FAM13C: variants seen among roughly 807,000 people sequenced by gnomAD.
FAM13C encodes family with sequence similarity 13 member C, also known as protein FAM13C.
In FAM13C, 37 loss-of-function variants were observed where a neutral mutation model predicts 73.2. The ratio of observed to expected loss-of-function variants is 0.51; its 90% CI spans 0.39 to 0.67. The LOEUF (loss-of-function observed/expected upper bound fraction) is 0.67. FAM13C is among the 30% of genes least tolerant of loss of function. The pLI is 0.00. For missense variants in FAM13C, 589 were observed against 715.6 expected (o/e 0.82, Z 2.02); for synonymous variants, 246 against 260.9 (o/e 0.94, Z 0.55).
At chr10:59,335,321 G>A (rs2134133332) in intron 3 of FAM13C, among the ~76,000 whole-genome samples, 1 of 152,112 alleles carries the variant, frequency 6.6e-6, no homozygotes, top group East Asian at 1.9e-4. Flanking sequence ...TTTTTATGTG[G>A]ACTTGGGAAA....
intron 3 of FAM13C, among the ~76,000 whole-genome samples, chr10:59,344,621 G>A (rs146972726): frequency 9.2e-5 from 14 of 152,196 alleles, no homozygotes; most frequent in African/African-American, 2.9e-4. Context: ...GAATGTTTAC[G>A]TTTATATCAT....
At chr10:59,338,403 A>G (rs1463730244) in intron 3 of FAM13C, among the ~76,000 whole-genome samples, 3 of 152,186 alleles carry the variant, frequency 2.0e-5, no homozygotes. Flanking sequence ...GTCGGTTGTT[A>G]AAGGAATGAA....
intron 3 of FAM13C, among the ~76,000 whole-genome samples, chr10:59,339,312 A>G (rs1853182633): frequency 6.6e-6 from 1 of 152,202 alleles, no homozygotes; most frequent in Non-Finnish European, 1.5e-5. Flanking sequence ...TACTCAACCT[A>G]CTTCTCCCTT....
At chr10:59,323,926 A>T in intron 4 of FAM13C, 62 bp downstream of exon 4, 1 of 1,377,650 alleles carries the variant, frequency 7.3e-7, no homozygotes, top group Non-Finnish European at 1.0e-6. Context: ...AGTGGCAAGC[A>T]CACAGCATTT....
At chr10:59,353,220 A>G (rs1437334586) in intron 2 of FAM13C, among the ~76,000 whole-genome samples, 1 of 152,142 alleles carries the variant, frequency 6.6e-6, no homozygotes, top group Non-Finnish European at 1.5e-5. Context: ...ATTCTGTACA[A>G]TATCCCTACC....
At chr10:59,298,101 A>G (rs151274457) in intron 5 of FAM13C, among the ~76,000 whole-genome samples, 1 of 152,384 alleles carries the variant, frequency 6.6e-6, no homozygotes, top group East Asian at 1.9e-4. Flanking sequence ...GGGTAAACCC[A>G]TTAACCCATG....
intron 6 of FAM13C, among the ~76,000 whole-genome samples, chr10:59,271,272 A>T (rs968510498): frequency 2.6e-5 from 4 of 152,232 alleles, no homozygotes; most frequent in Admixed American, 2.6e-4. Flanking sequence ...ATAAACACTT[A>T]TCACAATTTG....
chr10:59,298,600 T>G (rs904341171), intron 5 of FAM13C, among the ~76,000 whole-genome samples: 2 of 152,164 alleles, frequency 1.3e-5, no homozygotes, highest in African/African-American at 2.4e-5. Flanking sequence ...AGATCCCCAG[T>G]TGATCACAAT....
rs1349160522 is a variant in FAM13C at position 59,246,378 on chromosome 10, G to T, written c.*1236C>A. 13 of 291,940 alleles carry T rather than the reference G, an allele frequency of 4.5e-5. No homozygotes were observed. Among genetic ancestry groups the T allele is most frequent in the Non-Finnish European group, 7.5e-5 (12 of 159,444 alleles). 18.1% of individuals were successfully genotyped at this position (291,940 alleles called of 1,614,324 possible). ...AGTTATAAAATATTAGGTAAATACAGAGAAAACAATAAGCCTCTGAAATAA... is the reference window on the plus strand; with the variant it reads ...AGTTATAAAATATTAGGTAAATACATAGAAAACAATAAGCCTCTGAAATAA... On this transcript the variant is annotated 3_prime_UTR_variant, in exon 14 of 14. Coordinates refer to ENST00000618804, the MANE Select transcript of FAM13C (RefSeq NM_198215.4).
At chr10:59,276,008 A>G (rs184519453) in intron 6 of FAM13C, among the ~76,000 whole-genome samples, 37 of 152,302 alleles carry the variant, frequency 2.4e-4, no homozygotes, top group Admixed American at 9.8e-4. Context: ...TTCATAGATT[A>G]TGAAGATGGT....
At position 59,322,305 on chromosome 10, in the gene FAM13C, C is replaced by T. The variant is rs140756781; in HGVS notation, c.443+1683G>A. Among the ~76,000 whole-genome samples the T allele has an allele frequency of 1.8e-4, 27 of 152,304 alleles. No homozygotes were observed. The East Asian group carries it at 5.2e-3, about 29-fold the overall frequency. ...ACTTAACTAAGAGTACTAGACATAACTGCCCTCACAGCACTCCTGATATGT... is the reference window on the plus strand; with the variant it reads ...ACTTAACTAAGAGTACTAGACATAATTGCCCTCACAGCACTCCTGATATGT... On this transcript the variant is annotated intron_variant, in intron 4 of 13. Transcript: ENST00000618804.
chr10:59,263,423 C>A (rs974137686), intron 9 of FAM13C, among the ~76,000 whole-genome samples: 1 of 152,114 alleles, frequency 6.6e-6, no homozygotes, highest in Non-Finnish European at 1.5e-5. Flanking sequence ...CAGTTTAATA[C>A]CACTGAATTA....
At chr10:59,328,456 C>T (rs1010400705) in intron 3 of FAM13C, among the ~76,000 whole-genome samples, 2 of 152,104 alleles carry the variant, frequency 1.3e-5, no homozygotes, top group African/African-American at 2.4e-5. Flanking sequence ...CTTCCAAGTT[C>T]CTTTATTTGT....
chr10:59,346,817 A>G (rs1854351841), intron 3 of FAM13C, among the ~76,000 whole-genome samples: 1 of 152,222 alleles, frequency 6.6e-6, no homozygotes, highest in Non-Finnish European at 1.5e-5. Context: ...ACAAACTATT[A>G]CAACATATAA....
At chr10:59,268,502 T>A (rs778288239) in intron 8 of FAM13C, 51 bp downstream of exon 8, 1 of 1,601,938 alleles carries the variant, frequency 6.2e-7, no homozygotes, top group East Asian at 2.2e-5. Context: ...CTGAGGAGAA[T>A]CCAGACACCT....
intron 4 of FAM13C, among the ~76,000 whole-genome samples, chr10:59,315,291 T>C (rs1288796156): frequency 6.6e-6 from 1 of 152,212 alleles, no homozygotes; most frequent in Non-Finnish European, 1.5e-5. Flanking sequence ...TGCTAGTATA[T>C]GTTTCTGTAA....
At chr10:59,254,643 A>T (rs1841769211) in intron 10 of FAM13C, among the ~76,000 whole-genome samples, 200 bp from the exon 11 acceptor site, 1 of 151,738 alleles carries the variant, frequency 6.6e-6, no homozygotes, top group African/African-American at 2.4e-5. Context: ...TCACTCTGTC[A>T]CCCAGGCGGA....
chr10:59,350,449 T>A (rs1480848357), intron 3 of FAM13C, among the ~76,000 whole-genome samples: 3 of 152,158 alleles, frequency 2.0e-5, no homozygotes, highest in African/African-American at 7.2e-5. Flanking sequence ...GGTCAGCACA[T>A]CCCTGGGATC....
intron 3 of FAM13C, among the ~76,000 whole-genome samples, chr10:59,339,760 T>C (rs1195246529): frequency 6.6e-6 from 1 of 152,170 alleles, no homozygotes; most frequent in East Asian, 1.9e-4. Flanking sequence ...ACTGATAGTT[T>C]GAGAAGTGAA....
Sources: gnomAD v4.1 joint callset for allele counts (sites outside exome capture counted in the v4.1 genomes callset) on GRCh38, gnomAD v4.1.1 for gene constraint, MANE v1.5 for transcripts, NCBI Gene and HGNC (gene_info 2026-07-23, HGNC 2026-07-21) for gene names.